PAN3: variants seen among roughly 807,000 people sequenced by gnomAD.
PAN3 encodes poly(A) specific ribonuclease subunit PAN3.
Under a neutral mutation model 96.2 loss-of-function variants are expected in PAN3, and 19 were observed. The observed-to-expected ratio is 0.20, with a 90% CI of 0.14 to 0.29. The LOEUF is 0.29. Ranked by LOEUF, PAN3 falls within the 10% of genes least tolerant of loss-of-function variation. The pLI is 1.00. For missense variants in PAN3, 882 were observed against 1,108.1 expected (o/e 0.80, Z 2.90); for synonymous variants, 433 against 406.6 (o/e 1.06, Z -0.78).
chr13:28,292,186 A>G (rs1869838829), intron 18 of PAN3, among the ~76,000 whole-genome samples, 196 bp from the exon 19 acceptor site: 1 of 152,234 alleles, frequency 6.6e-6, no homozygotes, highest in African/African-American at 2.4e-5. Context: ...GGATAGAAAC[A>G]TAGGGCAGTG....
At chr13:28,239,879 G>A (rs770979711) in intron 6 of PAN3, 1 of 313,498 alleles carries the variant, frequency 3.2e-6, no homozygotes, top group Non-Finnish European at 6.2e-6. Context: ...AAATTTTACT[G>A]CTTTTTTTGC....
At chr13:28,203,881 G>A (rs766157820) in intron 5 of PAN3, among the ~76,000 whole-genome samples, 34 of 147,944 alleles carry the variant, frequency 2.3e-4, no homozygotes, top group Non-Finnish European at 2.7e-4. Context: ...TCGGCTCACT[G>A]CATCCTCCAC....
intron 6 of PAN3, among the ~76,000 whole-genome samples, chr13:28,227,713 A>AC (rs1223186589): frequency 1.3e-5 from 2 of 152,232 alleles, no homozygotes; most frequent in Admixed American, 6.5e-5. Context: ...AGAAATGAAG[A>AC]CAGTGGTGCG....
intron 1 of PAN3, among the ~76,000 whole-genome samples, chr13:28,162,047 G>A (rs1202120939): frequency 6.6e-6 from 1 of 152,146 alleles, no homozygotes; most frequent in Non-Finnish European, 1.5e-5. Context: ...GAAAAAGCAG[G>A]CTACTTTTTG....
intron 9 of PAN3, among the ~76,000 whole-genome samples, chr13:28,262,249 G>A (rs1885803421): frequency 1.3e-5 from 2 of 152,114 alleles, no homozygotes. Context: ...TTAAAACTAG[G>A]TTGTTCTAAC....
At chr13:28,193,911 C>G (rs976593445) in intron 4 of PAN3, among the ~76,000 whole-genome samples, 7 of 151,864 alleles carry the variant, frequency 4.6e-5, no homozygotes, top group Non-Finnish European at 1.0e-4. Context: ...AATCCCAGCA[C>G]TTTGGGAGGC....
In PAN3 at chr13:28,270,873, G is replaced by A; in HGVS notation, c.1958+7G>A. ...TGATAACTGGCAAAACAAGGTACTA[G>A]CATTTTGAGTTTTGGTTTCTTTTAT... On this transcript the variant is annotated splice_region_variant and intron_variant, in intron 13 of 18. Transcript: ENST00000380958. The A allele has an allele frequency of 1.2e-6, 2 of 1,611,402 alleles. No homozygotes were observed. The highest frequency in any genetic ancestry group is 1.7e-4 in the Middle Eastern group (1 of 6,050).
chr13:28,243,774 C>T (rs769038577), intron 6 of PAN3, among the ~76,000 whole-genome samples: 4 of 152,126 alleles, frequency 2.6e-5, no homozygotes, highest in South Asian at 4.2e-4. Context: ...CTGTGAAGCC[C>T]GCCTCCCAGA....
intron 14 of PAN3, among the ~76,000 whole-genome samples, chr13:28,273,942 G>C (rs1003233265): frequency 6.6e-6 from 1 of 152,202 alleles, no homozygotes; most frequent in Admixed American, 6.5e-5. Context: ...GAGAAGTAGA[G>C]TCTAATCAGT....
intron 6 of PAN3, among the ~76,000 whole-genome samples, chr13:28,236,027 G>A (rs1045401833): frequency 1.3e-5 from 2 of 151,836 alleles, no homozygotes; most frequent in Non-Finnish European, 2.9e-5. Context: ...CCCCGTGCAT[G>A]GCCTTCATGT....
At chr13:28,257,843 C>T (rs779498465) in intron 7 of PAN3, among the ~76,000 whole-genome samples, 50 of 146,088 alleles carry the variant, frequency 3.4e-4, no homozygotes, top group Non-Finnish European at 6.1e-4. Context: ...GATGGATGTT[C>T]GCTATTTCAC....
chr13:28,161,558 G>A (rs1022581396), intron 1 of PAN3, among the ~76,000 whole-genome samples: 6 of 152,112 alleles, frequency 3.9e-5, no homozygotes, highest in Non-Finnish European at 8.8e-5. Flanking sequence ...AAGGTACAGG[G>A]GATTAAGACT....
chr13:28,245,844 C>T (rs1884133336), intron 6 of PAN3, among the ~76,000 whole-genome samples: 1 of 152,076 alleles, frequency 6.6e-6, no homozygotes, highest in African/African-American at 2.4e-5. Context: ...TAGTGTATGT[C>T]AGTATTTCCT....
chr13:28,222,797 A>G, intron 6 of PAN3, among the ~76,000 whole-genome samples: 1 of 152,118 alleles, frequency 6.6e-6, no homozygotes, highest in South Asian at 2.1e-4. Context: ...GGTGTAACTC[A>G]TTGATTTTAG....
At chr13:28,259,521 A>C (rs1885509771) in intron 7 of PAN3, among the ~76,000 whole-genome samples, 1 of 151,578 alleles carries the variant, frequency 6.6e-6, no homozygotes, top group African/African-American at 2.4e-5. Context: ...AGCCAGGATA[A>C]TTTTTGTATT....
intron 16 of PAN3, among the ~76,000 whole-genome samples, chr13:28,280,807 C>T (rs896105665): frequency 5.9e-5 from 9 of 151,696 alleles, no homozygotes; most frequent in African/African-American, 1.5e-4. Context: ...GTGATCCGCC[C>T]GCCTCAGCCT....
intron 9 of PAN3, among the ~76,000 whole-genome samples, chr13:28,261,925 A>C (rs1014809918): frequency 5.9e-5 from 9 of 151,892 alleles, no homozygotes; most frequent in Non-Finnish European, 8.8e-5. Context: ...TCTAGTTCAC[A>C]AAAAAAGTAT....
intron 1 of PAN3, among the ~76,000 whole-genome samples, chr13:28,157,067 G>A (rs1872279581): frequency 6.7e-6 from 1 of 149,256 alleles, no homozygotes; most frequent in East Asian, 2.0e-4. Context: ...TTGCAAGACT[G>A]GTCGGGCATA....
chr13:28,257,767 TTATA>T (rs1008789873), intron 7 of PAN3, among the ~76,000 whole-genome samples: 18 of 139,042 alleles, frequency 1.3e-4, no homozygotes, highest in African/African-American at 3.5e-4. Flanking sequence ...TAATTATATA[TTATA>T]TATAAATTAT....
Sources: allele counts gnomAD v4.1 joint callset (sites outside exome capture counted in the v4.1 genomes callset), GRCh38; gene constraint gnomAD v4.1.1; transcripts MANE v1.5; gene names NCBI Gene and HGNC (gene_info 2026-07-23, HGNC 2026-07-21).